RBFOX1: variants seen among roughly 807,000 people sequenced by gnomAD.
The protein encoded by RBFOX1 is RNA binding protein fox-1 homolog 1.
In RBFOX1, 8 loss-of-function variants were observed where a neutral mutation model predicts 57.7. That is an observed-to-expected ratio of 0.14 (90% CI 0.08 to 0.25). The LOEUF (loss-of-function observed/expected upper bound fraction) is 0.25. Among genes scored for constraint, RBFOX1 ranks in the 10% least tolerant of loss-of-function variants. RBFOX1 has a pLI of 1.00. For missense variants in RBFOX1, 611 were observed against 548.5 expected (o/e 1.11, Z -1.14); for synonymous variants, 326 against 222.4 (o/e 1.47, Z -4.15).
At chr16:6,404,692 G>A (rs2093210866) in intron 2 of RBFOX1, among the ~76,000 whole-genome samples, 1 of 152,070 alleles carries the variant, frequency 6.6e-6, no homozygotes, top group Admixed American at 6.6e-5. Flanking sequence ...GGCAAACTTG[G>A]GTGGTTGGTC....
At chr16:6,418,535 T>A (rs557876955) in intron 2 of RBFOX1, among the ~76,000 whole-genome samples, 1 of 146,670 alleles carries the variant, frequency 6.8e-6, no homozygotes, top group East Asian at 2.0e-4. Context: ...TTTTTTTTTT[T>A]TTTTTTTTGA....
chr16:6,148,026 G>A (rs1373217525), intron 1 of RBFOX1, among the ~76,000 whole-genome samples: 1 of 152,204 alleles, frequency 6.6e-6, no homozygotes, highest in African/African-American at 2.4e-5. Flanking sequence ...GCCAAAGGCT[G>A]GTTTCTAAAC....
At chr16:6,688,196 G>C (rs1314504492) in intron 3 of RBFOX1, among the ~76,000 whole-genome samples, 1 of 152,024 alleles carries the variant, frequency 6.6e-6, no homozygotes, top group African/African-American at 2.4e-5. Context: ...AAAAAAAAGA[G>C]AAGCAGGCGT....
chr16:7,323,410 T>G (rs2096571051), intron 4 of RBFOX1, among the ~76,000 whole-genome samples: 1 of 152,068 alleles, frequency 6.6e-6, no homozygotes, highest in African/African-American at 2.4e-5. Context: ...GGTGACAGAG[T>G]GAGACCCTGT....
intron 4 of RBFOX1, among the ~76,000 whole-genome samples, chr16:7,234,527 C>G (rs1378507536): frequency 6.6e-6 from 1 of 151,768 alleles, no homozygotes; most frequent in Non-Finnish European, 1.5e-5. Context: ...AGCATCGTGT[C>G]CTGGATAGTA....
At chr16:6,576,522 G>A (rs1219354473) in intron 2 of RBFOX1, among the ~76,000 whole-genome samples, 1 of 151,814 alleles carries the variant, frequency 6.6e-6, no homozygotes, top group Admixed American at 6.6e-5. Context: ...AAAACTTGAG[G>A]ACATTGAAAT....
At chr16:6,611,630 C>G (rs1023094338) in intron 2 of RBFOX1, among the ~76,000 whole-genome samples, 1 of 152,208 alleles carries the variant, frequency 6.6e-6, no homozygotes, top group Admixed American at 6.5e-5. Flanking sequence ...CCTGCAGATG[C>G]TCAGAGCTTT....
intron 12 of RBFOX1, among the ~76,000 whole-genome samples, chr16:7,659,986 TA>T (rs1431621428): frequency 6.6e-6 from 1 of 152,156 alleles, no homozygotes; most frequent in Non-Finnish European, 1.5e-5. Flanking sequence ...CAATATCCAT[TA>T]AAAAATAGCG....
chr16:6,079,905 C>T (rs1466645580), intron 1 of RBFOX1, among the ~76,000 whole-genome samples: 1 of 152,158 alleles, frequency 6.6e-6, no homozygotes, highest in African/African-American at 2.4e-5. Flanking sequence ...TAATAAGTGT[C>T]TAGTCCATTG....
intron 4 of RBFOX1, among the ~76,000 whole-genome samples, chr16:5,913,231 G>T (rs535712129): frequency 6.6e-6 from 1 of 152,136 alleles, no homozygotes; most frequent in Non-Finnish European, 1.5e-5. Flanking sequence ...TTTATCCCAC[G>T]GTTATTTATT....
Position 6,945,903 on chromosome 16 carries a change from G to C in RBFOX1, c.-15-106154G>C, listed in dbSNP as rs1163846410. Among the ~76,000 whole-genome samples the C allele has an allele frequency of 2.0e-5, 3 of 152,146 alleles. No individual in the cohort carries two copies. In the East Asian group the frequency reaches 5.8e-4, roughly 29 times the overall value. The stretch of plus-strand genomic sequence containing the variant: ...AAGACTCTCGTCCCCCACAAAAAAG[G>C]AATCTGCTGGTGCTAACCCTAAGCC... On this transcript the variant is annotated intron_variant, in intron 3 of 15. Coordinates refer to ENST00000550418, the MANE Select transcript of RBFOX1 (RefSeq NM_018723.4).
chr16:6,518,082 C>A (rs954665525), intron 2 of RBFOX1, among the ~76,000 whole-genome samples: 2 of 152,094 alleles, frequency 1.3e-5, no homozygotes, highest in African/African-American at 4.8e-5. Flanking sequence ...CCTTTTGTTT[C>A]TTTTCACCCC....
At chr16:6,461,951 C>T (rs2094930340) in intron 2 of RBFOX1, among the ~76,000 whole-genome samples, 1 of 152,016 alleles carries the variant, frequency 6.6e-6, no homozygotes, top group Non-Finnish European at 1.5e-5. Context: ...TGGATTAATG[C>T]CAGGGGCTTG....
intron 3 of RBFOX1, among the ~76,000 whole-genome samples, chr16:6,890,945 G>A (rs1470191360): frequency 6.6e-6 from 1 of 152,192 alleles, no homozygotes; most frequent in Non-Finnish European, 1.5e-5. Flanking sequence ...GCTTGTGACT[G>A]TAAGTGTTCC....
chr16:7,212,946 C>G (rs1366022545), intron 4 of RBFOX1, among the ~76,000 whole-genome samples: 2 of 152,200 alleles, frequency 1.3e-5, no homozygotes, highest in African/African-American at 4.8e-5. Context: ...CCGTGCCACT[C>G]ATATTTTGAG....
chr16:5,377,451 AG>A (rs759490647), intron 1 of RBFOX1, among the ~76,000 whole-genome samples: 31 of 150,982 alleles, frequency 2.1e-4, no homozygotes, highest in Non-Finnish European at 3.7e-4. Flanking sequence ...GAAAGTGCAA[AG>A]GCTGTTAGAG....
At chr16:6,709,709 G>C (rs186426066) in intron 3 of RBFOX1, among the ~76,000 whole-genome samples, 1 of 152,028 alleles carries the variant, frequency 6.6e-6, no homozygotes, top group African/African-American at 2.4e-5. Flanking sequence ...ACAGTGTTGC[G>C]GGTTTCGGTG....
chr16:7,489,065 C>T (rs77416808), intron 4 of RBFOX1, among the ~76,000 whole-genome samples: 7,577 of 152,194 alleles, frequency 0.05, 628 homozygotes, highest in African/African-American at 0.17. Flanking sequence ...TGAATCTCAG[C>T]GTGTCTGTCT....
At chr16:6,147,746 T>G (rs1334468696) in intron 1 of RBFOX1, among the ~76,000 whole-genome samples, 2 of 152,220 alleles carry the variant, frequency 1.3e-5, no homozygotes, top group Non-Finnish European at 2.9e-5. Flanking sequence ...ACCAAAATCT[T>G]TCCCAAGTTT....
Sources: gnomAD v4.1 joint callset for allele counts (sites outside exome capture counted in the v4.1 genomes callset) on GRCh38, gnomAD v4.1.1 for gene constraint, MANE v1.5 for transcripts, NCBI Gene and HGNC (gene_info 2026-07-23, HGNC 2026-07-21) for gene names.